The following TRABD2B variants were observed in gnomAD, a reference collection of about 807,000 sequenced individuals.
The protein encoded by TRABD2B is TraB domain containing 2B.
A neutral mutation model predicts 40.1 loss-of-function variants in TRABD2B; 14 were observed. The ratio of observed to expected loss-of-function variants is 0.35; its 90% CI spans 0.23 to 0.55. TRABD2B has a LOEUF of 0.55. Ranked by LOEUF, TRABD2B falls within the 20% of genes least tolerant of loss-of-function variation. The pLI, the probability that TRABD2B is intolerant of heterozygous loss-of-function variation, is 0.90. For missense variants in TRABD2B, 541 were observed against 648.6 expected (o/e 0.83, Z 1.80); for synonymous variants, 263 against 277.0 (o/e 0.95, Z 0.50).
At chr1:47,978,640 C>T (rs911504315) in intron 2 of TRABD2B, among the ~76,000 whole-genome samples, 4 of 152,114 alleles carry the variant, frequency 2.6e-5, no homozygotes, top group Non-Finnish European at 5.9e-5. Context: ...TACGAAATGC[C>T]TTTGAATCCC....
intron 4 of TRABD2B, among the ~76,000 whole-genome samples, chr1:47,785,050 T>C (rs1466957003): frequency 1.3e-5 from 2 of 152,110 alleles, no homozygotes; most frequent in East Asian, 3.9e-4. Flanking sequence ...GAAAGGGCAT[T>C]CCTGGTAGAG....
intron 2 of TRABD2B, among the ~76,000 whole-genome samples, chr1:47,991,339 C>A (rs1303598053): frequency 2.6e-5 from 4 of 152,126 alleles, no homozygotes; most frequent in Non-Finnish European, 5.9e-5. Flanking sequence ...TATGGAATGT[C>A]AGGGCTAGAA....
At chr1:47,900,855 G>A (rs541389597) in intron 2 of TRABD2B, among the ~76,000 whole-genome samples, 1 of 152,122 alleles carries the variant, frequency 6.6e-6, no homozygotes, top group African/African-American at 2.4e-5. Context: ...ACTATTGGAG[G>A]GCCATCCTGC....
At position 47,760,636 on chromosome 1, in the gene TRABD2B, T is replaced by G. The variant is rs1644234008; in HGVS notation, c.*5266A>C. On this transcript the variant is annotated 3_prime_UTR_variant, in exon 7 of 7. Transcript: ENST00000606738. ...TTCTATTTATACTCTTAAAGGACTCTTCATGATAATTCACAGAGGTGAGGG... is the reference window on the plus strand; with the variant it reads ...TTCTATTTATACTCTTAAAGGACTCGTCATGATAATTCACAGAGGTGAGGG... The G allele has an allele frequency of 2.6e-5, 4 of 152,248 alleles. No individual in the cohort carries two copies. Among genetic ancestry groups the G allele is most frequent in the African/African-American group, 9.6e-5 (4 of 41,468 alleles). 9.4% of individuals were successfully genotyped at this position (152,248 alleles called of 1,614,324 possible).
chr1:47,988,596 G>C (rs1040639404), intron 2 of TRABD2B, among the ~76,000 whole-genome samples: 1 of 152,256 alleles, frequency 6.6e-6, no homozygotes, highest in Admixed American at 6.5e-5. Context: ...GAACCAACAG[G>C]CTCTGGACAA....
intron 2 of TRABD2B, among the ~76,000 whole-genome samples, chr1:47,849,986 G>A (rs952849465): frequency 2.0e-5 from 3 of 152,250 alleles, no homozygotes; most frequent in Non-Finnish European, 4.4e-5. Flanking sequence ...ACTCACAGGA[G>A]AATTGCAAAA....
intron 2 of TRABD2B, among the ~76,000 whole-genome samples, chr1:47,836,839 C>G (rs750332661): frequency 6.6e-6 from 1 of 152,176 alleles, no homozygotes; most frequent in Non-Finnish European, 1.5e-5. Flanking sequence ...TTTTATGAAC[C>G]AGGAAGCACA....
intron 2 of TRABD2B, among the ~76,000 whole-genome samples, chr1:47,893,110 C>T (rs1397965010): frequency 2.0e-5 from 3 of 152,112 alleles, no homozygotes; most frequent in Admixed American, 6.5e-5. Context: ...GGCCAGATGG[C>T]CCCTCAGCTG....
intron 2 of TRABD2B, among the ~76,000 whole-genome samples, chr1:47,890,376 AC>A (rs1644428592): frequency 6.6e-6 from 1 of 152,182 alleles, no homozygotes; most frequent in Non-Finnish European, 1.5e-5. Flanking sequence ...AGGTACAGTA[AC>A]AGTAGCAGCA....
chr1:47,926,837 CT>C (rs2124751117), intron 2 of TRABD2B, among the ~76,000 whole-genome samples: 1 of 152,302 alleles, frequency 6.6e-6, no homozygotes, highest in South Asian at 2.1e-4. Context: ...TCCTGCCTTG[CT>C]TTAGAGAGCT....
chr1:47,782,220 C>T (rs541015167), intron 4 of TRABD2B, among the ~76,000 whole-genome samples: 1 of 152,342 alleles, frequency 6.6e-6, no homozygotes, highest in South Asian at 2.1e-4. Flanking sequence ...CCAGGCTCTG[C>T]TATTCAACCT....
At chr1:47,844,245 G>T (rs1021368978) in intron 2 of TRABD2B, among the ~76,000 whole-genome samples, 8 of 152,190 alleles carry the variant, frequency 5.3e-5, no homozygotes, top group African/African-American at 1.7e-4. Context: ...GCCACCCTTT[G>T]AATAGGCCTT....
At chr1:47,939,017 A>G (rs1645151418) in intron 2 of TRABD2B, among the ~76,000 whole-genome samples, 1 of 152,116 alleles carries the variant, frequency 6.6e-6, no homozygotes, top group South Asian at 2.1e-4. Flanking sequence ...TTAGGGAAAG[A>G]TGAGTGGCAT....
intron 2 of TRABD2B, among the ~76,000 whole-genome samples, chr1:47,810,599 A>T (rs1644951710): frequency 6.6e-6 from 1 of 152,244 alleles, no homozygotes; most frequent in Admixed American, 6.5e-5. Context: ...CCCAACAGCA[A>T]CCAGGTGGCA....
At chr1:47,972,364 T>C (rs1383444601) in intron 2 of TRABD2B, among the ~76,000 whole-genome samples, 1 of 151,582 alleles carries the variant, frequency 6.6e-6, no homozygotes, top group Non-Finnish European at 1.5e-5. Flanking sequence ...TACTGAATGT[T>C]TGTGTCCCCT....
chr1:47,990,223 T>C (rs1645980922), intron 2 of TRABD2B, among the ~76,000 whole-genome samples: 1 of 152,206 alleles, frequency 6.6e-6, no homozygotes, highest in African/African-American at 2.4e-5. Flanking sequence ...CCTTGTTTTC[T>C]TATTATACCT....
At chr1:47,795,769 AC>A (rs1174078794) in intron 3 of TRABD2B, 1 of 903,654 alleles carries the variant, frequency 1.1e-6, no homozygotes, top group African/African-American at 1.8e-5. Context: ...CCATCCCTGC[AC>A]CACCACTTTC....
chr1:47,915,717 C>T (rs1391686788), intron 2 of TRABD2B, among the ~76,000 whole-genome samples: 1 of 152,152 alleles, frequency 6.6e-6, no homozygotes, highest in African/African-American at 2.4e-5. Context: ...CATACAGAAC[C>T]AGAACTCCCT....
chr1:47,883,744 C>A (rs1379602185), intron 2 of TRABD2B, among the ~76,000 whole-genome samples: 1 of 152,226 alleles, frequency 6.6e-6, no homozygotes, highest in Non-Finnish European at 1.5e-5. Flanking sequence ...ATGGCAAACG[C>A]AAACCCACTG....
Sources: gnomAD v4.1 joint callset for allele counts (sites outside exome capture counted in the v4.1 genomes callset) on GRCh38, gnomAD v4.1.1 for gene constraint, MANE v1.5 for transcripts, NCBI Gene and HGNC (gene_info 2026-07-23, HGNC 2026-07-21) for gene names.